Variants in DOCK1 observed in about 807,000 individuals in gnomAD.
DOCK1 encodes the protein dedicator of cytokinesis protein 1.
A neutral mutation model predicts 262.7 loss-of-function variants in DOCK1; 138 were observed. The observed-to-expected ratio is 0.53, with a 90% CI of 0.46 to 0.61. The LOEUF is 0.61. DOCK1 is among the 20% of genes least tolerant of loss of function. The pLI is 0.00. For synonymous variants in DOCK1, 866 were observed against 867.4 expected, an observed-to-expected ratio of 1.00 and a Z score of 0.03; for missense variants, 1,908 against 2,370.7, an observed-to-expected ratio of 0.80 and a Z score of 4.05.
chr10:127,061,818 T>C (rs766293317), intron 23 of DOCK1, 42 bp downstream of exon 23: 1 of 1,478,246 alleles, frequency 6.8e-7, no homozygotes, highest in South Asian at 1.3e-5. Flanking sequence ...TCCTTCTTTT[T>C]TTCTTTCATT....
chr10:127,185,918 G>A (rs932570251), intron 27 of DOCK1, among the ~76,000 whole-genome samples: 1 of 152,142 alleles, frequency 6.6e-6, no homozygotes, highest in Non-Finnish European at 1.5e-5. Context: ...TAGAAAATGT[G>A]ACTTGCTAGG....
intron 29 of DOCK1, among the ~76,000 whole-genome samples, chr10:127,300,300 G>A (rs1049120316): frequency 2.6e-5 from 4 of 152,180 alleles, no homozygotes; most frequent in Non-Finnish European, 4.4e-5. Flanking sequence ...GCTTCTCTCC[G>A]TTGTCTGTCT....
At chr10:127,367,963 C>T (rs2065015658) in intron 33 of DOCK1, among the ~76,000 whole-genome samples, 1 of 152,202 alleles carries the variant, frequency 6.6e-6, no homozygotes, top group Admixed American at 6.5e-5. Context: ...GGGGTGGCCC[C>T]CAGCCCTGTG....
At chr10:127,327,362 C>A (rs896832454) in intron 29 of DOCK1, among the ~76,000 whole-genome samples, 3 of 152,222 alleles carry the variant, frequency 2.0e-5, no homozygotes, top group African/African-American at 7.2e-5. Flanking sequence ...GCTTCTCCAT[C>A]AGCACTTTCT....
chr10:127,024,041 G>A (rs1278570159), intron 14 of DOCK1, among the ~76,000 whole-genome samples: 1 of 152,166 alleles, frequency 6.6e-6, no homozygotes, highest in African/African-American at 2.4e-5. Flanking sequence ...CACCTGGGAG[G>A]TACTTAGAAG....
intron 29 of DOCK1, among the ~76,000 whole-genome samples, chr10:127,318,869 AG>A (rs930729031): frequency 2.6e-5 from 4 of 152,178 alleles, no homozygotes; most frequent in Admixed American, 6.5e-5. Flanking sequence ...CAGTTTAACA[AG>A]GGGCCAGAGG....
At chr10:126,983,342 G>C (rs1310211449) in intron 4 of DOCK1, among the ~76,000 whole-genome samples, 3 of 152,080 alleles carry the variant, frequency 2.0e-5, no homozygotes, top group Non-Finnish European at 4.4e-5. Context: ...TTTTCCTCCA[G>C]GTTGTTGTAG....
intron 1 of DOCK1, among the ~76,000 whole-genome samples, chr10:126,948,539 C>T (rs1350327947): frequency 2.0e-5 from 3 of 151,804 alleles, no homozygotes; most frequent in Non-Finnish European, 4.4e-5. Flanking sequence ...TCTGGATGAA[C>T]CTCTTTTTTA....
intron 38 of DOCK1, among the ~76,000 whole-genome samples, chr10:127,391,194 A>G (rs555563417): frequency 6.6e-6 from 1 of 152,252 alleles, no homozygotes; most frequent in Non-Finnish European, 1.5e-5. Context: ...GGAAAAAAGC[A>G]TGATCACAAG....
intron 25 of DOCK1, among the ~76,000 whole-genome samples, chr10:127,124,438 G>T (rs2049815316): frequency 6.6e-6 from 1 of 152,192 alleles, no homozygotes; most frequent in Non-Finnish European, 1.5e-5. Flanking sequence ...CTGGAGAGTG[G>T]ATGATGCTCC....
chr10:127,003,967 A>G (rs1239661746), intron 10 of DOCK1, among the ~76,000 whole-genome samples: 1 of 151,798 alleles, frequency 6.6e-6, no homozygotes, highest in Non-Finnish European at 1.5e-5. Context: ...TCCCCCCCAA[A>G]AAAAAGGCCA....
rs923342695 is a variant in DOCK1, at chr10:126,950,244, G to A, written c.47-20458G>A. On this transcript the variant is annotated intron_variant, in intron 1 of 51. Coordinates refer to ENST00000623213, the MANE Select transcript of DOCK1 (RefSeq NM_001290223.2). ...TATTTGGAGAGCAGGTTCCTAATTCGAGTTCGCCACAGCTTATCTGTGTCA... is the reference window on the plus strand; with the variant it reads ...TATTTGGAGAGCAGGTTCCTAATTCAAGTTCGCCACAGCTTATCTGTGTCA... 3.3e-5 allele frequency among the ~76,000 whole-genome samples: 5 copies of A among 152,172 alleles called. No individual in the cohort carries two copies. In the East Asian group the frequency reaches 9.6e-4, roughly 29 times the overall value.
At chr10:127,110,758 G>T (rs2048816925) in intron 25 of DOCK1, among the ~76,000 whole-genome samples, 1 of 152,170 alleles carries the variant, frequency 6.6e-6, no homozygotes, top group African/African-American at 2.4e-5. Flanking sequence ...TGCATTCTTT[G>T]ACAGCATTTC....
intron 29 of DOCK1, among the ~76,000 whole-genome samples, chr10:127,305,250 G>C (rs1013533834): frequency 2.0e-5 from 3 of 151,958 alleles, no homozygotes; most frequent in Non-Finnish European, 4.4e-5. Context: ...CGTAATTATA[G>C]TAGCAAGGAG....
chr10:127,018,708 A>C lies in DOCK1; in HGVS notation c.1202-2A>C, dbSNP rs762325972. The C allele has an allele frequency of 6.2e-7, 1 of 1,614,006 alleles. No individual in the cohort carries two copies. Among genetic ancestry groups the C allele is most frequent in the South Asian group, 1.1e-5 (1 of 91,076 alleles). ...ACTTAAGAGCATCCATTGTTTTTCC[A>C]GGTTTGTGGGTAACATTGAAATTAC... On this transcript the variant is annotated splice_acceptor_variant, in intron 12 of 51. Transcript: ENST00000623213. LOFTEE classifies it high-confidence loss of function.
intron 23 of DOCK1, among the ~76,000 whole-genome samples, chr10:127,079,497 T>G (rs2046772651): frequency 6.6e-6 from 1 of 152,034 alleles, no homozygotes; most frequent in African/African-American, 2.4e-5. Flanking sequence ...CATTGGGAAG[T>G]AATTTCTTTT....
At chr10:127,066,055 G>A (rs1427892877) in intron 23 of DOCK1, among the ~76,000 whole-genome samples, 1 of 151,974 alleles carries the variant, frequency 6.6e-6, no homozygotes, top group Non-Finnish European at 1.5e-5. Flanking sequence ...CGGCCCAGAT[G>A]TTCTGGAAAT....
intron 29 of DOCK1, among the ~76,000 whole-genome samples, chr10:127,324,522 A>G (rs748817731): frequency 7.9e-5 from 12 of 152,026 alleles, no homozygotes; most frequent in Non-Finnish European, 1.5e-4. Flanking sequence ...CCCATTTTGC[A>G]GATGTGGCGG....
chr10:127,151,244 C>T (rs2052457252), intron 27 of DOCK1, among the ~76,000 whole-genome samples: 1 of 152,148 alleles, frequency 6.6e-6, no homozygotes, highest in Admixed American at 6.6e-5. Context: ...ACTTGGTAGT[C>T]ACAGTGCAGT....
Sources: gnomAD v4.1 joint callset for allele counts (sites outside exome capture counted in the v4.1 genomes callset) on GRCh38, gnomAD v4.1.1 for gene constraint, MANE v1.5 for transcripts, NCBI Gene and HGNC (gene_info 2026-07-23, HGNC 2026-07-21) for gene names.